AKR1C2: variants seen among roughly 807,000 people sequenced by gnomAD.
AKR1C2 encodes aldo-keto reductase family 1 member C2, also known as 3-alpha-HSD3.
In AKR1C2, 27 loss-of-function variants were observed where a neutral mutation model predicts 39.8. That is an observed-to-expected ratio of 0.68 (90% CI 0.50 to 0.93). The LOEUF is 0.93. Among genes scored for constraint, AKR1C2 ranks in the 40% least tolerant of loss-of-function variants. AKR1C2 has a pLI of 0.00. For missense variants in AKR1C2, 263 were observed against 365.1 expected (o/e 0.72, Z 2.28); for synonymous variants, 114 against 137.9 (o/e 0.83, Z 1.22).
chr10:5,001,569 C>T lies in AKR1C2; in HGVS notation c.197G>A (p.Arg66Gln), dbSNP rs781814762. Residue 66 changes from arginine (R) to glutamine (Q), a missense_variant, in exon 2 of 9, where the codon CGA (arginine) becomes CAA (glutamine). Physicochemically the swap from Arg to Gln is conservative, Grantham distance 43. Coordinates refer to ENST00000380753, the MANE Select transcript of AKR1C2 (RefSeq NM_001393392.1). ...NNEEQVGLAI[R>Q]SKIADGSVKR... is the part of the protein sequence containing the mutation. ...CACACTGCCATCTGCAATCTTGCTT[C>T]GGATGGCCAGTCCAACCTGCTCCTC... 9.3e-6 allele frequency: 15 copies of T among 1,613,856 alleles called. No homozygotes were observed. Among genetic ancestry groups the T allele is most frequent in the Admixed American group, 5.0e-5 (3 of 59,994 alleles).
At chr10:5,009,001 C>T (rs1415237099), upstream of AKR1C2, among the ~76,000 whole-genome samples, 2 of 152,114 alleles carry the variant, frequency 1.3e-5, no homozygotes, top group Non-Finnish European at 2.9e-5. Context: ...GCTGTGGAAG[C>T]TCACAGTTAG....
intron 7 of AKR1C2, 45 bp from the exon 8 acceptor site, chr10:4,991,958 T>C: frequency 2.5e-6 from 1 of 402,944 alleles, no homozygotes; most frequent in Admixed American, 4.5e-5. Context: ...GATTACATCA[T>C]TGCCAATTGG....
chr10:5,015,024 C>A (rs1327166910), intron 1 of AKR1C2: 1 of 152,242 alleles, frequency 6.6e-6, no homozygotes, highest in African/African-American at 2.4e-5. Context: ...AGACAGCATT[C>A]CTCCTTCTGT....
chr10:4,991,093 G>C (rs1420691201), intron 8 of AKR1C2, among the ~76,000 whole-genome samples: 1 of 150,964 alleles, frequency 6.6e-6, no homozygotes, highest in Non-Finnish European at 1.5e-5. Context: ...TTAGAATATA[G>C]AGGAATAGTA....
intron 7 of AKR1C2, among the ~76,000 whole-genome samples, chr10:4,993,443 C>T (rs531298081): frequency 1.2e-4 from 18 of 152,100 alleles, no homozygotes; most frequent in East Asian, 9.6e-4. Context: ...AAATTAGATA[C>T]GCATATTTGG....
chr10:4,997,589 T>C (rs1431643695), intron 5 of AKR1C2, among the ~76,000 whole-genome samples: 2 of 152,090 alleles, frequency 1.3e-5, no homozygotes, highest in Non-Finnish European at 2.9e-5. Context: ...ATTTTGAATA[T>C]AAATGGTAAC....
chr10:4,997,633 G>T (rs1318349035), intron 5 of AKR1C2, among the ~76,000 whole-genome samples: 1 of 151,846 alleles, frequency 6.6e-6, no homozygotes, highest in Admixed American at 6.6e-5. Flanking sequence ...TCAAATTTTT[G>T]GAAAGTGTGA....
In AKR1C2 at chr10:4,989,806, T is replaced by A; in HGVS notation, c.*190A>T. 4.9e-6 allele frequency: 4 copies of A among 820,796 alleles called. No homozygotes were observed. Among genetic ancestry groups the A allele is most frequent in the South Asian group, 1.8e-5 (1 of 54,678 alleles). The allele number at this position is 820,796 out of a possible 1,614,324, so 50.8% of individuals were successfully genotyped here. A position where few individuals can be genotyped will look rare whatever the true frequency, so the allele number is the denominator to read the frequency against. ...GAATCTTTAGGAGAGAGCATTTAAT[T>A]TTTTCAAAATGAAAAACAAAATTAT... On this transcript the variant is annotated 3_prime_UTR_variant, in exon 9 of 9. Transcript: ENST00000380753.
chr10:5,010,218 G>A (rs1476151168), intron 1 of AKR1C2: 4 of 151,020 alleles, frequency 2.6e-5, no homozygotes, highest in South Asian at 2.1e-4. Flanking sequence ...AGCCCAAAGC[G>A]CTCGCCCTGG....
At chr10:4,996,416 T>C (rs1393856485) in intron 5 of AKR1C2, among the ~76,000 whole-genome samples, 1 of 150,368 alleles carries the variant, frequency 6.7e-6, no homozygotes, top group Non-Finnish European at 1.5e-5. Flanking sequence ...TTCCTTTTTG[T>C]ATGATGGATT....
chr10:5,009,162 A>C (rs531784193), intron 1 of AKR1C2, among the ~76,000 whole-genome samples: 2 of 152,338 alleles, frequency 1.3e-5, no homozygotes, highest in African/African-American at 4.8e-5. Flanking sequence ...ATATGTAGGA[A>C]GTTTTAATTA....
upstream of AKR1C2, among the ~76,000 whole-genome samples, chr10:5,007,716 T>A (rs1376449429): frequency 1.3e-5 from 2 of 151,584 alleles, no homozygotes; most frequent in African/African-American, 4.9e-5. Context: ...TAGAATCAAC[T>A]TAAATGTCTA....
At chr10:4,997,629 T>G (rs1837104419) in intron 5 of AKR1C2, among the ~76,000 whole-genome samples, 1 of 152,104 alleles carries the variant, frequency 6.6e-6, no homozygotes. Flanking sequence ...TTTATCAAAT[T>G]TTTGGAAAGT....
rs781971826 is a variant in AKR1C2, at chr10:4,995,793, C to T, written c.643G>A (p.Ala215Thr). ...CGATGGGATCCCAGAGCACTATAGG[C>T]AACCAGAACAATGTCTTTTGACTTG... Reference protein sequence around the residue: ...FCKSKDIVLVAYSALGSHREE... With the variant: ...FCKSKDIVLVTYSALGSHREE... The change falls in exon 6 of 9, where the codon GCC (alanine) becomes ACC (threonine). Residue 215 changes from alanine (A) to threonine (T), a missense_variant. Coordinates refer to ENST00000380753, the MANE Select transcript of AKR1C2 (RefSeq NM_001393392.1). 3 of 1,612,464 alleles carry T rather than the reference C, an allele frequency of 1.9e-6. No individual in the cohort carries two copies. Among genetic ancestry groups the T allele is most frequent in the South Asian group, 1.1e-5 (1 of 90,806 alleles).
chr10:4,990,274 A>T (rs1313388912), intron 8 of AKR1C2, among the ~76,000 whole-genome samples: 8 of 152,248 alleles, frequency 5.3e-5, no homozygotes, highest in Non-Finnish European at 1.5e-5. Flanking sequence ...TAAAACACAC[A>T]AAGTGAAATG....
upstream of AKR1C2, chr10:5,007,654 C>T (rs1554774555): frequency 6.6e-6 from 1 of 150,850 alleles, no homozygotes; most frequent in Non-Finnish European, 1.5e-5. Flanking sequence ...GTCTTTCTTA[C>T]ATACAAAATC....
intron 8 of AKR1C2, among the ~76,000 whole-genome samples, chr10:4,991,013 T>C (rs1441439841): frequency 6.6e-6 from 1 of 151,404 alleles, no homozygotes; most frequent in East Asian, 1.9e-4. Context: ...TGTTAAAATC[T>C]CCACTGCCAT....
Position 4,996,547 on chromosome 10 carries a change from A to AATAT in AKR1C2, c.571-686_571-683dup, listed in dbSNP as rs200451297. 1.3e-3 allele frequency among the ~76,000 whole-genome samples: 191 copies of AATAT among 144,526 alleles called. 1 individual carries two copies. Among genetic ancestry groups the AATAT allele is most frequent in the Admixed American group, 7.3e-3 (105 of 14,312 alleles). 94.8% of individuals were successfully genotyped at this position (144,526 alleles called of 152,430 possible). On this transcript the variant is annotated intron_variant, in intron 5 of 8. Transcript: ENST00000380753. ...TCTTTCATATATATTATATATATAT[A>AATAT]ATATATATATATATGCTGAGTAGAT...
chr10:4,997,678 T>C (rs1396516046), intron 5 of AKR1C2, among the ~76,000 whole-genome samples: 2 of 152,216 alleles, frequency 1.3e-5, no homozygotes, highest in African/African-American at 4.8e-5. Flanking sequence ...GAACTACTAG[T>C]ATTAAAACCA....
Sources: gnomAD v4.1 joint callset for allele counts (sites outside exome capture counted in the v4.1 genomes callset) on GRCh38, gnomAD v4.1.1 for gene constraint, MANE v1.5 for transcripts, NCBI Gene and HGNC (gene_info 2026-07-23, HGNC 2026-07-21) for gene names.